Variants in VPS13B observed in about 807,000 individuals in gnomAD.
VPS13B encodes vacuolar protein sorting 13 homolog B, also known as intermembrane lipid transfer protein VPS13B.
VPS13B carries 285 observed loss-of-function variants against 426.4 expected under a neutral mutation model. That is an observed-to-expected ratio of 0.67 (90% CI 0.61 to 0.74). The LOEUF (loss-of-function observed/expected upper bound fraction) is 0.74. VPS13B is among the 30% of genes least tolerant of loss of function. The pLI, the probability that VPS13B is intolerant of heterozygous loss-of-function variation, is 0.00. For missense variants in VPS13B, 4,537 were observed against 4,782.6 expected, an observed-to-expected ratio of 0.95 and a Z score of 1.51; for synonymous variants, 1,676 against 1,676.4, an observed-to-expected ratio of 1.00 and a Z score of 0.01.
chr8:99,603,952 A>G (rs1034361724), intron 33 of VPS13B, among the ~76,000 whole-genome samples: 1 of 152,222 alleles, frequency 6.6e-6, no homozygotes, highest in Admixed American at 6.5e-5. Context: ...CTTTTAGCCT[A>G]GTAAATATAA....
Position 99,250,938 on chromosome 8 carries a change from A to G in VPS13B, c.2516-23260A>G, listed in dbSNP as rs538899083. Among the ~76,000 whole-genome samples the G allele has an allele frequency of 5.3e-5, 8 of 151,464 alleles. No individual in the cohort carries two copies. In the South Asian group the frequency reaches 1.5e-3, roughly 28 times the overall value. ...TTTCTGTGATTTTAAATGGTATTAC[A>G]TTTTCATTTTCAGTATTCACATATA... is the stretch of plus-strand genomic sequence containing the variant. On this transcript the variant is annotated intron_variant, in intron 17 of 61. Transcript: ENST00000357162.
chr8:99,174,390 T>A (rs1027293093), intron 16 of VPS13B, among the ~76,000 whole-genome samples: 4 of 152,176 alleles, frequency 2.6e-5, no homozygotes, highest in African/African-American at 9.7e-5. Context: ...AGAGCTGCCA[T>A]ACTGATTTTC....
chr8:99,148,071 T>TTTC, intron 14 of VPS13B, 61 bp downstream of exon 14: 1 of 1,362,434 alleles, frequency 7.3e-7, no homozygotes, highest in Non-Finnish European at 1.0e-6. Flanking sequence ...TTTTTTTTTT[T>TTTC]GTCATTTACT....
intron 5 of VPS13B, 113 bp downstream of exon 5, chr8:99,103,233 G>A: frequency 7.9e-7 from 1 of 1,262,468 alleles, no homozygotes; most frequent in South Asian, 1.2e-5. Context: ...AAATCTTCAT[G>A]CCTCCAGTGT....
Position 99,384,242 on chromosome 8 carries a change from A to G in VPS13B, c.2859A>G (p.Ala953=). The stretch of plus-strand genomic sequence containing the variant: ...TTCTTTGCAGTATACAAGGACTAGC[A>G]GTTAATATTGACCCAATCTTATATA... ...AVLLCSIQGL[A]VNIDPILYTW... The change falls in exon 20 of 62, where the codon GCA becomes GCG. Residue 953 remains alanine (A), a synonymous_variant. Transcript: ENST00000357162. 6.2e-7 allele frequency: 1 copy of G among 1,614,042 alleles called. No individual in the cohort carries two copies. The highest frequency in any genetic ancestry group is 8.5e-7 in the Non-Finnish European group (1 of 1,179,962).
intron 25 of VPS13B, among the ~76,000 whole-genome samples, chr8:99,495,239 C>T (rs536099277): frequency 1.3e-5 from 2 of 152,258 alleles, no homozygotes; most frequent in East Asian, 3.9e-4. Context: ...ATTTAAATCA[C>T]ATTTATTGTG....
At chr8:99,176,941 C>T (rs939927734) in intron 16 of VPS13B, among the ~76,000 whole-genome samples, 2 of 152,192 alleles carry the variant, frequency 1.3e-5, no homozygotes, top group Non-Finnish European at 2.9e-5. Flanking sequence ...AGGAGAAGTA[C>T]TTTCTGCTAC....
chr8:99,634,626 A>G (rs1828997962), intron 33 of VPS13B, among the ~76,000 whole-genome samples: 1 of 152,032 alleles, frequency 6.6e-6, no homozygotes, highest in African/African-American at 2.4e-5. Flanking sequence ...CTTGTATAGC[A>G]TTTAGTTTTA....
chr8:99,374,696 C>T (rs867034596), intron 19 of VPS13B, among the ~76,000 whole-genome samples: 7 of 152,036 alleles, frequency 4.6e-5, no homozygotes, highest in Middle Eastern at 3.2e-3. Context: ...AGTATAGTTC[C>T]GTTGGATCTG....
intron 17 of VPS13B, among the ~76,000 whole-genome samples, chr8:99,205,325 A>T (rs1157300839): frequency 1.3e-5 from 2 of 151,968 alleles, no homozygotes; most frequent in African/African-American, 4.8e-5. Context: ...GGACACAGGG[A>T]GGGGAACATC....
At chr8:99,778,661 C>A (rs760761541) in intron 41 of VPS13B, 21 bp from the exon 42 acceptor site, 1 of 1,605,504 alleles carries the variant, frequency 6.2e-7, no homozygotes, top group Non-Finnish European at 8.5e-7. Context: ...TTGCTGTTTT[C>A]CTTGTTTGTT....
At chr8:99,514,239 T>C (rs1821942449) in intron 29 of VPS13B, among the ~76,000 whole-genome samples, 1 of 152,220 alleles carries the variant, frequency 6.6e-6, no homozygotes, top group Non-Finnish European at 1.5e-5. Context: ...CCTATAAATG[T>C]AAATAGTTTT....
chr8:99,584,292 T>C (rs1264129507), intron 33 of VPS13B, among the ~76,000 whole-genome samples: 1 of 152,172 alleles, frequency 6.6e-6, no homozygotes, highest in Non-Finnish European at 1.5e-5. Context: ...ATAAACAAGC[T>C]TGTGCTGAGA....
intron 36 of VPS13B, among the ~76,000 whole-genome samples, chr8:99,702,112 A>G (rs1832306431): frequency 6.6e-6 from 1 of 152,138 alleles, no homozygotes; most frequent in African/African-American, 2.4e-5. Context: ...TATAATTTTG[A>G]TAAGTGGTAA....
chr8:99,115,945 T>TA, intron 7 of VPS13B, 71 bp downstream of exon 7: 1 of 1,487,054 alleles, frequency 6.7e-7, no homozygotes, highest in Non-Finnish European at 9.3e-7. Context: ...TGGGAAACTT[T>TA]AAAAAATGTA....
intron 37 of VPS13B, among the ~76,000 whole-genome samples, chr8:99,719,565 T>C (rs1833055643): frequency 6.6e-6 from 1 of 152,248 alleles, no homozygotes; most frequent in African/African-American, 2.4e-5. Flanking sequence ...GTTACCTGGT[T>C]CTCTTAGAAT....
At chr8:99,539,041 T>G (rs1563784255) in intron 30 of VPS13B, among the ~76,000 whole-genome samples, 1 of 152,178 alleles carries the variant, frequency 6.6e-6, no homozygotes, top group Non-Finnish European at 1.5e-5. Flanking sequence ...AAGAAAGTAT[T>G]TCACCAGTTT....
chr8:99,259,408 C>G (rs1817926901), intron 17 of VPS13B, among the ~76,000 whole-genome samples: 1 of 151,964 alleles, frequency 6.6e-6, no homozygotes, highest in South Asian at 2.1e-4. Flanking sequence ...GTGGGTTCCC[C>G]TAATGTTCTT....
chr8:99,699,694 C>A lies in VPS13B; in HGVS notation c.6216C>A (p.Val2072=), dbSNP rs1315907540. 19 of 1,614,010 alleles carry A rather than the reference C, an allele frequency of 1.2e-5. No individual in the cohort carries two copies. Among genetic ancestry groups the A allele is most frequent in the Non-Finnish European group, 1.4e-5 (17 of 1,180,036 alleles). Residue 2072 remains valine, a synonymous_variant, in exon 36 of 62, where the codon GTC becomes GTA. Transcript: ENST00000357162. ...NTMVNKDDLP[V]SKYYRGKLSK... is the part of the protein sequence containing the mutation. Reference sequence around the variant, plus strand: ...TGGTGAATAAGGATGATCTTCCAGTCTCCAAATATTACCGTGGAAAGTTGT... The same window carrying A: ...TGGTGAATAAGGATGATCTTCCAGTATCCAAATATTACCGTGGAAAGTTGT...
Sources: allele counts gnomAD v4.1 joint callset (sites outside exome capture counted in the v4.1 genomes callset), GRCh38; gene constraint gnomAD v4.1.1; transcripts MANE v1.5; gene names NCBI Gene and HGNC (gene_info 2026-07-23, HGNC 2026-07-21).